Variants in AKAP6 observed in about 807,000 individuals in gnomAD.
AKAP6 encodes A-kinase anchoring protein 6.
AKAP6 carries 58 observed loss-of-function variants against 188.5 expected under a neutral mutation model. The ratio of observed to expected loss-of-function variants is 0.31; its 90% CI spans 0.25 to 0.38. The LOEUF (loss-of-function observed/expected upper bound fraction) is 0.38. Ranked by LOEUF, AKAP6 falls within the 10% of genes least tolerant of loss-of-function variation. The pLI, the probability that AKAP6 is intolerant of heterozygous loss-of-function variation, is 1.00. For missense variants in AKAP6, 2,710 were observed against 2,740.0 expected, an observed-to-expected ratio of 0.99 and a Z score of 0.24; for synonymous variants, 989 against 998.6, an observed-to-expected ratio of 0.99 and a Z score of 0.18.
At position 32,822,426 on chromosome 14, in the gene AKAP6, G is replaced by T. The variant is rs539925484; in HGVS notation, c.4613G>T (p.Arg1538Leu). 7 of 1,613,774 alleles carry T rather than the reference G, an allele frequency of 4.3e-6. No individual in the cohort carries two copies. The East Asian group carries it at 8.9e-5, about 21-fold the overall frequency. Residue 1538 changes from arginine to leucine, a missense_variant, in exon 13 of 14, where the codon CGC becomes CTC. By Grantham distance (102) the Arg-to-Leu change is moderately radical (BLOSUM62 -2). This residue lies in a region of AKAP6 where 2,473 missense variants were observed against 2,426.1 expected (regional missense o/e 1.02). Coordinates refer to ENST00000280979, the MANE Select transcript of AKAP6 (RefSeq NM_004274.5). The stretch of plus-strand genomic sequence containing the variant: ...GCAAGTGCATCTCATGAAATGGATC[G>T]CATTTCATATAAAAGTGGCAATATA... ...ILASASHEMD[R>L]ISYKSGNIEK...
intron 11 of AKAP6, among the ~76,000 whole-genome samples, chr14:32,739,958 C>A (rs1426399229): frequency 6.6e-6 from 1 of 152,036 alleles, no homozygotes; most frequent in Non-Finnish European, 1.5e-5. Context: ...AAACTGTTCC[C>A]CATAGTGGTT....
chr14:32,361,079 G>A (rs1393591711), intron 1 of AKAP6, among the ~76,000 whole-genome samples: 1 of 123,772 alleles, frequency 8.1e-6, no homozygotes, highest in Non-Finnish European at 1.8e-5. Flanking sequence ...TATTTGAGAA[G>A]CTTTGGAGGG....
At chr14:32,358,692 T>C (rs1363436526) in intron 1 of AKAP6, among the ~76,000 whole-genome samples, 7 of 152,014 alleles carry the variant, frequency 4.6e-5, no homozygotes, top group Non-Finnish European at 8.8e-5. Flanking sequence ...CTTGCTTACT[T>C]TGGAGCTCGG....
At chr14:32,768,518 A>T (rs965673077) in intron 11 of AKAP6, among the ~76,000 whole-genome samples, 5 of 152,200 alleles carry the variant, frequency 3.3e-5, no homozygotes, top group Non-Finnish European at 7.3e-5. Flanking sequence ...TAAAGATATC[A>T]CTGGATGAAA....
chr14:32,435,972 T>A (rs1196875886), intron 2 of AKAP6, among the ~76,000 whole-genome samples: 1 of 152,214 alleles, frequency 6.6e-6, no homozygotes, highest in Non-Finnish European at 1.5e-5. Flanking sequence ...TAAATAAATA[T>A]CACTTTTTCT....
intron 7 of AKAP6, among the ~76,000 whole-genome samples, chr14:32,668,390 C>T (rs1477030522): frequency 6.6e-6 from 1 of 152,040 alleles, no homozygotes; most frequent in African/African-American, 2.4e-5. Flanking sequence ...TTTTAATAAA[C>T]ATCTCATCTG....
chr14:32,716,371 G>T (rs959447671), intron 9 of AKAP6, among the ~76,000 whole-genome samples: 1 of 151,442 alleles, frequency 6.6e-6, no homozygotes, highest in African/African-American at 2.4e-5. Context: ...TATATGCACT[G>T]TATGTATTAC....
chr14:32,382,025 TTAC>T (rs1169966721), intron 1 of AKAP6, among the ~76,000 whole-genome samples: 2 of 152,198 alleles, frequency 1.3e-5, no homozygotes, highest in Non-Finnish European at 2.9e-5. Context: ...CTTTGGTGTG[TTAC>T]TTAACTTTCT....
intron 1 of AKAP6, among the ~76,000 whole-genome samples, chr14:32,372,827 TGAGA>T (rs201619945): frequency 7.9e-5 from 12 of 151,220 alleles, no homozygotes; most frequent in Admixed American, 4.6e-4. Context: ...CTTGTGTGTC[TGAGA>T]GAGAGAGGAG....
At chr14:32,543,942 G>C (rs1000737938) in intron 3 of AKAP6, among the ~76,000 whole-genome samples, 1 of 152,186 alleles carries the variant, frequency 6.6e-6, no homozygotes, top group Non-Finnish European at 1.5e-5. Context: ...GCTTAGAAAA[G>C]TTAAATAAGG....
chr14:32,537,978 T>G (rs1882762071), intron 3 of AKAP6, among the ~76,000 whole-genome samples: 1 of 152,202 alleles, frequency 6.6e-6, no homozygotes, highest in Non-Finnish European at 1.5e-5. Flanking sequence ...AGCAGTTTAG[T>G]GCATTCTTAT....
chr14:32,559,601 C>G (rs1364885857), intron 4 of AKAP6, among the ~76,000 whole-genome samples: 1 of 152,050 alleles, frequency 6.6e-6, no homozygotes, highest in African/African-American at 2.4e-5. Context: ...GGGCACACCT[C>G]TAGCAGTAAT....
chr14:32,715,111 C>A lies in AKAP6; in HGVS notation c.3001-17343C>A, dbSNP rs536353987. 2.6e-5 allele frequency among the ~76,000 whole-genome samples: 4 copies of A among 152,056 alleles called. No homozygotes were observed. In the East Asian group the frequency reaches 7.8e-4, roughly 30 times the overall value. ...AATGATTACAAATTTTTCTACCTTG[C>A]AAACTGTACTAATTGGCGTCAAATT... On this transcript the variant is annotated intron_variant, in intron 9 of 13. Transcript: ENST00000280979.
chr14:32,371,422 A>AAAAAC (rs1040525218), intron 1 of AKAP6, among the ~76,000 whole-genome samples: 8 of 152,200 alleles, frequency 5.3e-5, no homozygotes, highest in East Asian at 3.9e-4. Context: ...TCTACAAAAC[A>AAAAAC]AAAACAAAAC....
intron 1 of AKAP6, chr14:32,373,353 T>C (rs958834048): frequency 2.6e-5 from 4 of 152,060 alleles, no homozygotes; most frequent in African/African-American, 9.7e-5. Flanking sequence ...GATGAAATCA[T>C]AGGGAGTTAG....
At chr14:32,644,842 A>G (rs1271834971) in intron 7 of AKAP6, among the ~76,000 whole-genome samples, 2 of 152,106 alleles carry the variant, frequency 1.3e-5, no homozygotes. Flanking sequence ...TCTCCATATG[A>G]TTACCCAATA....
In AKAP6 at chr14:32,545,349, A is replaced by G; in HGVS notation, c.696A>G (p.Pro232=). The G allele has an allele frequency of 6.2e-7, 1 of 1,614,184 alleles. No individual in the cohort carries two copies. Among genetic ancestry groups the G allele is most frequent in the Non-Finnish European group, 8.5e-7 (1 of 1,180,000 alleles). Residue 232 remains proline, a synonymous_variant, in exon 4 of 14, where the codon CCA becomes CCG. Coordinates refer to ENST00000280979, the MANE Select transcript of AKAP6 (RefSeq NM_004274.5). ...ITAFELSDYS[P]SEDLLSGLGD... ...CATTCGAACTGTCTGACTACAGTCC[A>G]AGTGAGGATTTGCTCAGTGGGCTAG...
chr14:32,790,181 A>C (rs1172571425), intron 12 of AKAP6, among the ~76,000 whole-genome samples: 1 of 152,222 alleles, frequency 6.6e-6, no homozygotes, highest in Non-Finnish European at 1.5e-5. Flanking sequence ...GAAAAAGAAC[A>C]AAAAGGAATG....
At chr14:32,689,371 C>G (rs116996084) in intron 8 of AKAP6, among the ~76,000 whole-genome samples, 1 of 151,936 alleles carries the variant, frequency 6.6e-6, no homozygotes, top group African/African-American at 2.4e-5. Context: ...ACAGATGGTC[C>G]ACGAGAAAGT....
Sources: allele counts gnomAD v4.1 joint callset (sites outside exome capture counted in the v4.1 genomes callset), GRCh38; gene constraint gnomAD v4.1.1; regional missense constraint gnomAD v4.1.1; transcripts MANE v1.5; gene names NCBI Gene and HGNC (gene_info 2026-07-23, HGNC 2026-07-21).